Variants in DOCK4 observed in about 807,000 individuals in gnomAD.
DOCK4 encodes the protein dedicator of cytokinesis protein 4.
In DOCK4, 97 loss-of-function variants were observed where a neutral mutation model predicts 268.1. The ratio of observed to expected loss-of-function variants is 0.36; its 90% CI spans 0.31 to 0.43. DOCK4 has a LOEUF of 0.43. Ranked by LOEUF, DOCK4 falls within the 20% of genes least tolerant of loss-of-function variation. The pLI is 1.00. For synonymous variants in DOCK4, 954 were observed against 887.2 expected (o/e 1.08, Z -1.34); for missense variants, 2,145 against 2,455.7 (o/e 0.87, Z 2.67).
At chr7:112,026,581 C>T (rs73432711) in intron 1 of DOCK4, among the ~76,000 whole-genome samples, 8,984 of 152,234 alleles carry the variant, frequency 0.059, 775 homozygotes, top group African/African-American at 0.19. Context: ...TTTGTAAATT[C>T]TTCCACAAAA....
At position 111,896,963 on chromosome 7, in the gene DOCK4, T is replaced by C. The variant is rs77938046; in HGVS notation, c.1481-1245A>G. 4.3e-3 allele frequency among the ~76,000 whole-genome samples: 651 copies of C among 152,224 alleles called. 8 individuals are homozygous for C. Among genetic ancestry groups the C allele is most frequent in the African/African-American group, 0.015 (622 of 41,528 alleles). Reference sequence around the variant, plus strand: ...AGTCAAGCAAAAATCACACCAAAGATCTCTGGGAAGAGATTTCCACATCAA... The same window carrying C: ...AGTCAAGCAAAAATCACACCAAAGACCTCTGGGAAGAGATTTCCACATCAA... On this transcript the variant is annotated intron_variant, in intron 15 of 52. Coordinates refer to ENST00000428084, the MANE Select transcript of DOCK4 (RefSeq NM_001363540.2).
At chr7:112,129,898 C>A (rs1275140310) in intron 1 of DOCK4, among the ~76,000 whole-genome samples, 3 of 152,170 alleles carry the variant, frequency 2.0e-5, no homozygotes, top group African/African-American at 7.2e-5. Flanking sequence ...CTCTGTCACA[C>A]CTTTTATAGT....
At chr7:111,903,522 T>C (rs1791318059) in intron 13 of DOCK4, among the ~76,000 whole-genome samples, 1 of 152,256 alleles carries the variant, frequency 6.6e-6, no homozygotes, top group African/African-American at 2.4e-5. Flanking sequence ...TTTCCATTAC[T>C]AATTTTTAGA....
At chr7:111,778,168 T>TA (rs1798571598) in intron 36 of DOCK4, 108 bp downstream of exon 36, 1 of 686,654 alleles carries the variant, frequency 1.5e-6, no homozygotes, top group Admixed American at 3.0e-5. Flanking sequence ...AATTTTAATT[T>TA]TAAAGTAGAA....
chr7:111,735,255 G>C lies in DOCK4; in HGVS notation c.5306-88C>G, dbSNP rs559338199. Reference sequence around the variant, plus strand: ...CTTAGAAGAAAGTCAGAATTATCCAGAATGAAAAACTTAACTGGATGAAAA... The same window carrying C: ...CTTAGAAGAAAGTCAGAATTATCCACAATGAAAAACTTAACTGGATGAAAA... On this transcript the variant is annotated intron_variant, in intron 50 of 52. Coordinates refer to ENST00000428084, the MANE Select transcript of DOCK4 (RefSeq NM_001363540.2). 6.7e-4 allele frequency: 604 copies of C among 906,416 alleles called. 13 individuals carry two copies. In the South Asian group the frequency reaches 0.01, roughly 15 times the overall value. 56.1% of individuals were successfully genotyped at this position (906,416 alleles called of 1,614,324 possible).
At chr7:112,038,969 T>A (rs966429933) in intron 1 of DOCK4, among the ~76,000 whole-genome samples, 1 of 152,218 alleles carries the variant, frequency 6.6e-6, no homozygotes, top group Non-Finnish European at 1.5e-5. Context: ...GCAGTGTTCA[T>A]GTTCATTTTA....
At chr7:111,883,242 A>G (rs1424232756) in intron 16 of DOCK4, among the ~76,000 whole-genome samples, 4 of 152,170 alleles carry the variant, frequency 2.6e-5, no homozygotes, top group Admixed American at 6.5e-5. Flanking sequence ...CCTCCCCTCA[A>G]TCTCATCCCT....
At chr7:111,869,954 G>A (rs557937509) in intron 20 of DOCK4, among the ~76,000 whole-genome samples, 45 of 152,284 alleles carry the variant, frequency 3.0e-4, no homozygotes, top group African/African-American at 1.1e-3. Context: ...GCCCAACCAA[G>A]TGCCTGGCAG....
chr7:111,795,047 G>C (rs190863166), intron 30 of DOCK4, among the ~76,000 whole-genome samples: 1 of 152,160 alleles, frequency 6.6e-6, no homozygotes, highest in Non-Finnish European at 1.5e-5. Flanking sequence ...TTTCTGATGG[G>C]AGAGTGCAAT....
chr7:112,130,339 T>C (rs569705186), intron 1 of DOCK4, among the ~76,000 whole-genome samples: 3 of 152,314 alleles, frequency 2.0e-5, no homozygotes, highest in South Asian at 4.1e-4. Flanking sequence ...AGCTCAAAGA[T>C]AGACACCCAC....
At chr7:112,108,504 T>C (rs1255046022) in intron 1 of DOCK4, among the ~76,000 whole-genome samples, 1 of 152,196 alleles carries the variant, frequency 6.6e-6, no homozygotes, top group African/African-American at 2.4e-5. Flanking sequence ...ACACCATTAA[T>C]TACACTACTT....
chr7:112,131,974 G>A (rs1173214021), intron 1 of DOCK4, among the ~76,000 whole-genome samples: 2 of 152,120 alleles, frequency 1.3e-5, no homozygotes, highest in Admixed American at 6.5e-5. Context: ...GAAGAAAAAA[G>A]GGATCCCTTC....
At chr7:111,794,848 G>A (rs776463076) in intron 30 of DOCK4, among the ~76,000 whole-genome samples, 7 of 152,108 alleles carry the variant, frequency 4.6e-5, no homozygotes, top group Non-Finnish European at 1.0e-4. Flanking sequence ...CTCACTACAG[G>A]CCTTTAGATG....
chr7:111,731,711 T>C (rs1795096121), intron 52 of DOCK4, among the ~76,000 whole-genome samples: 1 of 152,216 alleles, frequency 6.6e-6, no homozygotes. Context: ...CATGATCAAG[T>C]ATGTATTTCT....
intron 1 of DOCK4, among the ~76,000 whole-genome samples, chr7:112,099,298 A>T (rs887648659): frequency 1.3e-4 from 6 of 47,638 alleles, no homozygotes; most frequent in South Asian, 6.4e-4. Flanking sequence ...TCTCGGATTT[A>T]AAAAAAAAAA....
At chr7:112,111,430 A>C (rs1811644521) in intron 1 of DOCK4, among the ~76,000 whole-genome samples, 1 of 152,150 alleles carries the variant, frequency 6.6e-6, no homozygotes, top group Non-Finnish European at 1.5e-5. Context: ...AAACACTTTA[A>C]TTTCACAAAT....
chr7:112,152,473 C>G (rs1273195376), intron 1 of DOCK4, among the ~76,000 whole-genome samples: 3 of 152,124 alleles, frequency 2.0e-5, no homozygotes, highest in Non-Finnish European at 4.4e-5. Context: ...AACAGGCAGG[C>G]AATGTGCACA....
intron 1 of DOCK4, among the ~76,000 whole-genome samples, chr7:112,147,443 C>T (rs950325715): frequency 2.6e-5 from 4 of 152,190 alleles, no homozygotes; most frequent in African/African-American, 9.7e-5. Context: ...CTGGATCCAC[C>T]TGACCTGTAA....
Position 111,728,693 on chromosome 7 carries a change from G to T in DOCK4, c.5509C>A (p.Pro1837Thr). ...KGSVQSFTPSPVEYHSPGLIS... is the reference protein window; with the variant it reads ...KGSVQSFTPSTVEYHSPGLIS... ...AGTCCTGGCGAGTGGTACTCCACTG[G>T]AGAGGGGGTGAAAGACTGCACAGAG... The change falls in exon 53 of 53, where the codon CCA (proline) becomes ACA (threonine). Residue 1837 changes from proline (P) to threonine (T), a missense_variant. By Grantham distance (38) the Pro-to-Thr change is conservative. Around this residue, in one of 2 missense-constraint regions of DOCK4, gnomAD observed 547 missense variants for 469.0 expected, o/e 1.17. Coordinates refer to ENST00000428084, the MANE Select transcript of DOCK4 (RefSeq NM_001363540.2). 6.2e-7 allele frequency: 1 copy of T among 1,613,242 alleles called. No individual in the cohort carries two copies.
Sources: gnomAD v4.1 joint callset for allele counts (sites outside exome capture counted in the v4.1 genomes callset) on GRCh38, gnomAD v4.1.1 for gene constraint, gnomAD v4.1.1 regional missense constraint, MANE v1.5 for transcripts, NCBI Gene and HGNC (gene_info 2026-07-23, HGNC 2026-07-21) for gene names.